PLD5: variants seen among roughly 807,000 people sequenced by gnomAD.
PLD5 encodes the protein phospholipase D family member 5, also known as inactive phospholipase D5.
Under a neutral mutation model 61.1 loss-of-function variants are expected in PLD5, and 36 were observed. The ratio of observed to expected loss-of-function variants is 0.59; its 90% CI spans 0.45 to 0.78. The LOEUF is 0.78. Ranked by LOEUF, PLD5 falls within the 30% of genes least tolerant of loss-of-function variation. The pLI is 0.00. For synonymous variants in PLD5, 243 were observed against 242.8 expected, an observed-to-expected ratio of 1.00 and a Z score of -0.01; for missense variants, 515 against 644.4, an observed-to-expected ratio of 0.80 and a Z score of 2.17.
chr1:242,215,852 C>G (rs1196564328), intron 5 of PLD5, among the ~76,000 whole-genome samples: 1 of 152,212 alleles, frequency 6.6e-6, no homozygotes, highest in Non-Finnish European at 1.5e-5. Flanking sequence ...TTGTTCCTTA[C>G]TATGTTTTAT....
rs1211876738 is a variant in PLD5, at chr1:242,394,909, T to TATATATATGA, written c.190-46668_190-46667insTCATATATAT. 4.7e-4 allele frequency among the ~76,000 whole-genome samples: 61 copies of TATATATATGA among 131,092 alleles called. 3 individuals are homozygous for TATATATATGA. Among genetic ancestry groups the TATATATATGA allele is most frequent in the African/African-American group, 1.6e-3 (58 of 35,378 alleles). 86.0% of individuals were successfully genotyped at this position (131,092 alleles called of 152,430 possible). A position where few individuals can be genotyped will look rare whatever the true frequency, so the allele number is the denominator to read the frequency against. On this transcript the variant is annotated intron_variant, in intron 1 of 9. Transcript: ENST00000536534. ...ATGTATATATATGATTATATATGAA[T>TATATATATGA]ATATATGTATATATGTATACATTAT...
At chr1:242,445,761 CTT>C (rs759465537) in intron 1 of PLD5, among the ~76,000 whole-genome samples, 15 of 129,696 alleles carry the variant, frequency 1.2e-4, no homozygotes, top group East Asian at 2.4e-4. Flanking sequence ...TTATTCACTT[CTT>C]TTTTTTTTTT....
chr1:242,509,665 T>C (rs1668841894), intron 1 of PLD5, among the ~76,000 whole-genome samples: 1 of 152,196 alleles, frequency 6.6e-6, no homozygotes, highest in Non-Finnish European at 1.5e-5. Context: ...GTCTTCTTAT[T>C]ACCTCATTTT....
At chr1:242,121,343 T>C (rs1044777696) in intron 6 of PLD5, among the ~76,000 whole-genome samples, 1 of 152,168 alleles carries the variant, frequency 6.6e-6, no homozygotes, top group East Asian at 1.9e-4. Flanking sequence ...AAAGTTATAA[T>C]AGAAGGGAGT....
At chr1:242,255,312 A>G (rs1250382455) in intron 4 of PLD5, among the ~76,000 whole-genome samples, 1 of 152,210 alleles carries the variant, frequency 6.6e-6, no homozygotes, top group Non-Finnish European at 1.5e-5. Flanking sequence ...AAATTAGCAC[A>G]CACAGGCATA....
At chr1:242,237,496 G>A (rs1279081820) in intron 4 of PLD5, among the ~76,000 whole-genome samples, 1 of 152,138 alleles carries the variant, frequency 6.6e-6, no homozygotes, top group African/African-American at 2.4e-5. Flanking sequence ...TCTTAGTAGG[G>A]GTGCTAGAGG....
At chr1:242,439,757 A>G (rs2055536) in intron 1 of PLD5, among the ~76,000 whole-genome samples, 64,692 of 152,038 alleles carry the variant, frequency 0.43, 13,967 homozygotes, top group Admixed American at 0.49. Context: ...CCATGAACTC[A>G]GGAGCTTTTT....
intron 5 of PLD5, among the ~76,000 whole-genome samples, chr1:242,202,942 C>T (rs1288558064): frequency 1.3e-5 from 2 of 151,920 alleles, no homozygotes; most frequent in Non-Finnish European, 2.9e-5. Flanking sequence ...TTTGTTTACC[C>T]GAGAGACCGA....
chr1:242,406,445 G>T (rs1479604814), intron 1 of PLD5, among the ~76,000 whole-genome samples: 1 of 152,182 alleles, frequency 6.6e-6, no homozygotes, highest in Admixed American at 6.5e-5. Context: ...CTTCTCAAAG[G>T]CTAATGAAAA....
At chr1:242,123,885 G>A (rs1662578267) in intron 6 of PLD5, among the ~76,000 whole-genome samples, 1 of 152,140 alleles carries the variant, frequency 6.6e-6, no homozygotes, top group Non-Finnish European at 1.5e-5. Flanking sequence ...GGAGGGTGTG[G>A]CTAATGGTTC....
intron 1 of PLD5, among the ~76,000 whole-genome samples, chr1:242,424,112 G>A (rs1402910641): frequency 6.6e-6 from 1 of 152,182 alleles, no homozygotes. Flanking sequence ...GCTCATGAGA[G>A]TGAAGATAAG....
intron 1 of PLD5, among the ~76,000 whole-genome samples, chr1:242,464,282 A>G (rs142796672): frequency 6.6e-6 from 1 of 152,248 alleles, no homozygotes; most frequent in Non-Finnish European, 1.5e-5. Context: ...AGTGGCTCCT[A>G]TATTATATTT....
chr1:242,528,143 A>G (rs78593436), upstream of PLD5, among the ~76,000 whole-genome samples: 2,470 of 152,334 alleles, frequency 0.016, 75 homozygotes, highest in African/African-American at 0.057. Context: ...AGATTTTAGT[A>G]CTAGATCCTT....
At chr1:242,440,906 C>G (rs777253933) in intron 1 of PLD5, among the ~76,000 whole-genome samples, 4 of 152,138 alleles carry the variant, frequency 2.6e-5, no homozygotes, top group Non-Finnish European at 5.9e-5. Flanking sequence ...GGATGAAATA[C>G]AAAGAGAACT....
chr1:242,180,523 T>C (rs1295582264), intron 5 of PLD5, among the ~76,000 whole-genome samples: 1 of 152,066 alleles, frequency 6.6e-6, no homozygotes, highest in Admixed American at 6.6e-5. Flanking sequence ...AAAATCAAAA[T>C]ATAAGGTCCA....
intron 1 of PLD5, 82 bp from the exon 2 acceptor site, chr1:242,348,324 T>C (rs1357605796): frequency 7.0e-7 from 1 of 1,431,538 alleles, no homozygotes; most frequent in South Asian, 1.4e-5. Context: ...CTTCTCAACA[T>C]TCCATGAAAA....
chr1:242,138,478 C>T (rs560054022), intron 5 of PLD5, among the ~76,000 whole-genome samples: 19 of 151,730 alleles, frequency 1.3e-4, no homozygotes, highest in African/African-American at 4.4e-4. Flanking sequence ...ATTAGAAATC[C>T]CCTCGAAGAA....
intron 5 of PLD5, among the ~76,000 whole-genome samples, chr1:242,164,487 T>G (rs1666155941): frequency 6.6e-6 from 1 of 152,002 alleles, no homozygotes; most frequent in Admixed American, 6.6e-5. Context: ...CATCAGTACA[T>G]GGACATGTTA....
chr1:242,172,281 G>T (rs1666807495), intron 5 of PLD5, among the ~76,000 whole-genome samples: 1 of 152,078 alleles, frequency 6.6e-6, no homozygotes, highest in Non-Finnish European at 1.5e-5. Context: ...ATGACTACTG[G>T]GTAAATAACG....
Sources: gnomAD v4.1 joint callset for allele counts (sites outside exome capture counted in the v4.1 genomes callset) on GRCh38, gnomAD v4.1.1 for gene constraint, MANE v1.5 for transcripts, NCBI Gene and HGNC (gene_info 2026-07-23, HGNC 2026-07-21) for gene names.